The following DMD variants were observed in gnomAD, a reference collection of about 807,000 sequenced individuals.
DMD encodes dystrophin.
A neutral mutation model predicts 330.1 loss-of-function variants in DMD; 63 were observed. The ratio of observed to expected loss-of-function variants is 0.19; its 90% CI spans 0.16 to 0.24. The LOEUF (loss-of-function observed/expected upper bound fraction) is 0.24, where lower values mean the gene tolerates loss of function less well. Ranked by LOEUF, DMD falls within the 10% of genes least tolerant of loss-of-function variation. DMD has a pLI of 1.00. For synonymous variants in DMD, 1,223 were observed against 959.8 expected (o/e 1.27, Z -5.07); for missense variants, 3,344 against 2,684.1 (o/e 1.25, Z -5.43).
intron 1 of DMD, among the ~76,000 whole-genome samples, chrX:33,307,948 G>T (rs888075107): frequency 9.0e-6 from 1 of 111,663 alleles, no homozygotes; most frequent in African/African-American, 3.3e-5. Context: ...AAATATAATT[G>T]CTAAGATGTG....
intron 7 of DMD, among the ~76,000 whole-genome samples, chrX:32,730,997 T>C (rs908805519): frequency 9.0e-6 from 1 of 111,416 alleles, no homozygotes; most frequent in Non-Finnish European, 1.9e-5. Flanking sequence ...CCATCTGAGG[T>C]ACCAGGTTCA....
intron 1 of DMD, among the ~76,000 whole-genome samples, chrX:33,259,116 A>T (rs927388882): frequency 3.1e-4 from 35 of 111,309 alleles, no homozygotes; most frequent in African/African-American, 1.1e-3. Flanking sequence ...CGTTTAAAAA[A>T]TTGTGCTAAA....
At chrX:32,300,438 T>C (rs1056399807) in intron 42 of DMD, among the ~76,000 whole-genome samples, 1 of 111,128 alleles carries the variant, frequency 9.0e-6, no homozygotes, top group Non-Finnish European at 1.9e-5. Context: ...CACCTGCCCA[T>C]TTCTCCAGAT....
At chrX:33,050,093 C>A (rs2094438753) in intron 1 of DMD, among the ~76,000 whole-genome samples, 1 of 110,693 alleles carries the variant, frequency 9.0e-6, no homozygotes, top group Non-Finnish European at 1.9e-5. Context: ...AGCACTGAAA[C>A]CATTCCAAAA....
chrX:32,063,012 A>G (rs143092691), intron 44 of DMD, among the ~76,000 whole-genome samples: 1,784 of 111,244 alleles, frequency 0.016, 39 homozygotes, highest in African/African-American at 0.055. Flanking sequence ...AGCTTGAGAT[A>G]ATGTTTTAAT....
intron 44 of DMD, among the ~76,000 whole-genome samples, chrX:32,136,323 C>A (rs12397030): frequency 0.045 from 5,096 of 112,013 alleles, 204 homozygotes; most frequent in African/African-American, 0.12. Flanking sequence ...TTTATCATGC[C>A]CCCTGGGCAA....
At chrX:32,385,474 T>A (rs1203592437) in intron 33 of DMD, among the ~76,000 whole-genome samples, 1 of 110,849 alleles carries the variant, frequency 9.0e-6, no homozygotes, top group Admixed American at 9.6e-5. Flanking sequence ...CTTCCTGACA[T>A]TGTTCTGGGC....
intron 59 of DMD, among the ~76,000 whole-genome samples, chrX:31,457,597 G>T (rs188881311): frequency 3.5e-4 from 39 of 111,851 alleles, no homozygotes; most frequent in African/African-American, 1.2e-3. Flanking sequence ...GTATAATATT[G>T]CAGATAGCAG....
At position 31,740,234 on chromosome X, in the gene DMD, A is replaced by G. The variant is rs183601282; in HGVS notation, c.7543-10486T>C. 7.1e-5 allele frequency among the ~76,000 whole-genome samples: 8 copies of G among 112,470 alleles called. 1 individual carries two copies. The South Asian group carries it at 2.9e-3, about 41-fold the overall frequency. On this transcript the variant is annotated intron_variant, in intron 51 of 78. Transcript: ENST00000357033. Reference sequence around the variant, plus strand: ...GGGCGTTGATAATTTTAGCTATTCAACGTTAGATCTTTTAGTTATTCTACA... The same window carrying G: ...GGGCGTTGATAATTTTAGCTATTCAGCGTTAGATCTTTTAGTTATTCTACA...
chrX:33,300,734 T>C (rs1462697590), intron 1 of DMD, among the ~76,000 whole-genome samples: 1 of 111,292 alleles, frequency 9.0e-6, no homozygotes. Flanking sequence ...AGAAATAAAT[T>C]TCTGTTCTTT....
At chrX:32,274,341 T>A (rs1036895421) in intron 43 of DMD, among the ~76,000 whole-genome samples, 2 of 112,137 alleles carry the variant, frequency 1.8e-5, no homozygotes, top group Non-Finnish European at 3.8e-5. Flanking sequence ...GATATTGATC[T>A]ATGGCTAACT....
intron 9 of DMD, among the ~76,000 whole-genome samples, chrX:32,668,936 A>T (rs2061475755): frequency 9.0e-6 from 1 of 111,217 alleles, no homozygotes; most frequent in Admixed American, 9.6e-5. Context: ...TTTTCTGGAC[A>T]TTTTTGTCCT....
At chrX:32,495,372 A>C (rs932847402) in intron 19 of DMD, among the ~76,000 whole-genome samples, 1 of 111,849 alleles carries the variant, frequency 8.9e-6, no homozygotes, top group Non-Finnish European at 1.9e-5. Flanking sequence ...GAATATAAAA[A>C]TTATGAGACC....
intron 55 of DMD, among the ~76,000 whole-genome samples, chrX:31,532,180 T>C (rs1421788009): frequency 2.0e-5 from 2 of 99,458 alleles, no homozygotes; most frequent in Non-Finnish European, 3.9e-5. Context: ...AGACACATAA[T>C]TGTCAGATTC....
intron 52 of DMD, among the ~76,000 whole-genome samples, chrX:31,697,138 T>C (rs1396334240): frequency 1.8e-5 from 2 of 111,730 alleles, no homozygotes; most frequent in Non-Finnish European, 1.9e-5. Context: ...TAACTGAGCA[T>C]CAATTTATAC....
intron 29 of DMD, among the ~76,000 whole-genome samples, chrX:32,429,182 ATTTT>A (rs1157306533): frequency 4.2e-5 from 3 of 71,907 alleles, no homozygotes; most frequent in African/African-American, 1.5e-4. Flanking sequence ...CTACAGATGT[ATTTT>A]TTTTTTCTTT....
At chrX:33,060,050 C>CA (rs1460033511) in intron 1 of DMD, among the ~76,000 whole-genome samples, 3 of 111,460 alleles carry the variant, frequency 2.7e-5, no homozygotes, top group Non-Finnish European at 5.7e-5. Flanking sequence ...AAAAATTATT[C>CA]AATGTCACTT....
At chrX:32,923,601 C>T (rs1284920421) in intron 2 of DMD, among the ~76,000 whole-genome samples, 1 of 110,798 alleles carries the variant, frequency 9.0e-6, no homozygotes, top group South Asian at 3.8e-4. Context: ...TTTATCTATG[C>T]TTTGCTATAG....
chrX:32,752,902 G>GC (rs963067004), intron 7 of DMD, among the ~76,000 whole-genome samples: 2 of 110,419 alleles, frequency 1.8e-5, no homozygotes, highest in Admixed American at 1.9e-4. Flanking sequence ...ACTCCTCCTT[G>GC]CCTTCCACCA....
Sources: gnomAD v4.1 joint callset for allele counts (sites outside exome capture counted in the v4.1 genomes callset) on GRCh38, gnomAD v4.1.1 for gene constraint, MANE v1.5 for transcripts, NCBI Gene and HGNC (gene_info 2026-07-23, HGNC 2026-07-21) for gene names.